Variants in TGIF1 observed in about 807,000 individuals in gnomAD.
The protein encoded by TGIF1 is homeobox protein TGIF1.
TGIF1 carries 4 observed loss-of-function variants against 19.3 expected under a neutral mutation model. The ratio of observed to expected loss-of-function variants is 0.21; its 90% CI spans 0.10 to 0.47. TGIF1 has a LOEUF of 0.47. Among genes scored for constraint, TGIF1 ranks in the 20% least tolerant of loss-of-function variants. TGIF1 has a pLI of 0.98. For missense variants in TGIF1, 275 were observed against 341.4 expected (o/e 0.81, Z 1.53); for synonymous variants, 122 against 129.3 (o/e 0.94, Z 0.38).
chr18:3,448,716 T>C (rs930682143), upstream of TGIF1: 2 of 362,618 alleles, frequency 5.5e-6, no homozygotes, highest in African/African-American at 3.5e-5. Flanking sequence ...GGCGGGGGTG[T>C]CTTTTTTTTT....
At chr18:3,441,523 ACCT>A (rs1184311727) in intron 2 of TGIF1, among the ~76,000 whole-genome samples, 8 of 152,002 alleles carry the variant, frequency 5.3e-5, no homozygotes, top group African/African-American at 1.9e-4. Context: ...CAGTAGCAAC[ACCT>A]CCTCTCCAGC....
intron 1 of TGIF1, among the ~76,000 whole-genome samples, chr18:3,417,032 A>G (rs1568026237): frequency 6.6e-6 from 1 of 152,230 alleles, no homozygotes; most frequent in Admixed American, 6.5e-5. Context: ...TCATAAGTAA[A>G]TCATTATGGA....
upstream of TGIF1, chr18:3,450,148 G>T: frequency 8.2e-7 from 1 of 1,226,198 alleles, no homozygotes; most frequent in Non-Finnish European, 1.0e-6. Flanking sequence ...AGGACCTCCT[G>T]TACCTTCCCT....
chr18:3,450,804 C>G (rs1438280279), intron 1 of TGIF1, among the ~76,000 whole-genome samples: 1 of 152,242 alleles, frequency 6.6e-6, no homozygotes, highest in Non-Finnish European at 1.5e-5. Context: ...CGACACCCCA[C>G]GCTCGGCCCA....
At chr18:3,439,035 A>T (rs182368797) in intron 2 of TGIF1, among the ~76,000 whole-genome samples, 1 of 152,186 alleles carries the variant, frequency 6.6e-6, no homozygotes, top group Non-Finnish European at 1.5e-5. Context: ...TAGACCGAGG[A>T]ATAAGGAGTT....
At chr18:3,413,708 A>G (rs2082297980) in intron 1 of TGIF1, among the ~76,000 whole-genome samples, 1 of 152,072 alleles carries the variant, frequency 6.6e-6, no homozygotes, top group Admixed American at 6.6e-5. Context: ...CGTCTCTATA[A>G]TTTTTTCAAT....
chr18:3,442,721 A>C (rs1231727935), intron 2 of TGIF1, among the ~76,000 whole-genome samples: 1 of 152,154 alleles, frequency 6.6e-6, no homozygotes, highest in African/African-American at 2.4e-5. Flanking sequence ...CCGCATCTCT[A>C]CTTTTATTAA....
At chr18:3,439,069 TC>T (rs2082650737) in intron 2 of TGIF1, among the ~76,000 whole-genome samples, 2 of 152,146 alleles carry the variant, frequency 1.3e-5, no homozygotes, top group South Asian at 4.1e-4. Context: ...GCAGGATCAT[TC>T]ACTATGAGAG....
chr18:3,457,526 T>C lies in TGIF1; in HGVS notation c.405T>C (p.Ala135=). 1.2e-6 allele frequency: 2 copies of C among 1,614,184 alleles called. No individual in the cohort carries two copies. ...TGGGCATCAAAAACTTCATGCCAGC[T>C]CTAGAGGAGACCCCATTTCATTCCT... The part of the protein sequence containing the change: ...SVMGIKNFMP[A]LEETPFHSCT... Residue 135 remains alanine (A), a synonymous_variant, in exon 3 of 3, where the codon GCT becomes GCC. Transcript: ENST00000343820. The surrounding 1 kb of genome is among the most constrained non-coding windows in gnomAD (Gnocchi z 4.9).
At chr18:3,417,514 G>T (rs902720588) in intron 1 of TGIF1, among the ~76,000 whole-genome samples, 1 of 152,050 alleles carries the variant, frequency 6.6e-6, no homozygotes, top group African/African-American at 2.4e-5. Flanking sequence ...ACATGGAAAC[G>T]TTCATGATAC....
At chr18:3,453,686 CAAAAAAAAA>C (rs58332536) in intron 1 of TGIF1, 15 of 269,170 alleles carry the variant, frequency 5.6e-5, no homozygotes, top group Non-Finnish European at 7.1e-5. Context: ...AACTCTGTCT[CAAAAAAAAA>C]AAAAAAAAAA....
At chr18:3,452,333 G>A in intron 1 of TGIF1, 1 of 1,613,304 alleles carries the variant, frequency 6.2e-7, no homozygotes, top group Non-Finnish European at 8.5e-7. Context: ...CCCCATCCCA[G>A]GGCGCACAGG....
At chr18:3,418,613 A>G (rs1413961486) in intron 2 of TGIF1, 1 of 152,216 alleles carries the variant, frequency 6.6e-6, no homozygotes. Flanking sequence ...TTCTATCCAC[A>G]GTTGGTTGAA....
chr18:3,454,494 AC>A (rs1237904284), intron 1 of TGIF1, among the ~76,000 whole-genome samples: 2 of 133,116 alleles, frequency 1.5e-5, no homozygotes, highest in Admixed American at 7.3e-5. Flanking sequence ...TTAACTTAAC[AC>A]TTTTTTTAAA....
At chr18:3,436,477 G>A (rs2082615554) in intron 2 of TGIF1, among the ~76,000 whole-genome samples, 1 of 152,180 alleles carries the variant, frequency 6.6e-6, no homozygotes, top group African/African-American at 2.4e-5. Flanking sequence ...TGTCTGGAGT[G>A]GATGTAGGTT....
At chr18:3,450,151 C>G, upstream of TGIF1, 1 of 1,231,794 alleles carries the variant, frequency 8.1e-7, no homozygotes. Context: ...ACCTCCTGTA[C>G]CTTCCCTCCT....
intron 2 of TGIF1, among the ~76,000 whole-genome samples, chr18:3,429,671 A>AAGT (rs2082521514): frequency 6.6e-6 from 1 of 152,236 alleles, no homozygotes; most frequent in African/African-American, 2.4e-5. Context: ...CCAAGTGACC[A>AAGT]AAGCATGATG....
At chr18:3,433,814 T>G (rs2082581729) in intron 2 of TGIF1, among the ~76,000 whole-genome samples, 1 of 152,192 alleles carries the variant, frequency 6.6e-6, no homozygotes, top group South Asian at 2.1e-4. Context: ...TCATGATGGT[T>G]GCACAGCCAA....
chr18:3,453,819 C>T, intron 1 of TGIF1: 1 of 985,230 alleles, frequency 1.0e-6, no homozygotes, highest in Non-Finnish European at 1.2e-6. Flanking sequence ...AGCTTGTGAT[C>T]CTGCCCCCAC....
Sources: allele counts gnomAD v4.1 joint callset (sites outside exome capture counted in the v4.1 genomes callset), GRCh38; gene constraint gnomAD v4.1.1; non-coding constraint Gnocchi (gnomAD v3.1); transcripts MANE v1.5; gene names NCBI Gene and HGNC (gene_info 2026-07-23, HGNC 2026-07-21).